The following NAF1 variants were observed in gnomAD, a reference collection of about 807,000 sequenced individuals.
The protein encoded by NAF1 is H/ACA ribonucleoprotein complex non-core subunit NAF1.
In NAF1, 11 loss-of-function variants were observed where a neutral mutation model predicts 40.6. The ratio of observed to expected loss-of-function variants is 0.27; its 90% CI spans 0.17 to 0.45. The LOEUF is 0.45. NAF1 is among the 20% of genes least tolerant of loss of function. NAF1 has a pLI of 1.00. For missense variants in NAF1, 607 were observed against 611.1 expected (o/e 0.99, Z 0.07); for synonymous variants, 260 against 228.5 (o/e 1.14, Z -1.24).
intron 3 of NAF1, among the ~76,000 whole-genome samples, 186 bp downstream of exon 3, chr4:163,148,155 T>A (rs1222488247): frequency 6.6e-6 from 1 of 152,192 alleles, no homozygotes; most frequent in Non-Finnish European, 1.5e-5. Flanking sequence ...TAAATTTCTA[T>A]AAATAAACTG....
Position 163,164,298 on chromosome 4 carries a change from C to G in NAF1, c.459G>C (p.Leu153=), listed in dbSNP as rs753170599. The G allele has an allele frequency of 2.5e-6, 4 of 1,595,954 alleles. No homozygotes were observed. The South Asian group carries it at 3.5e-5, about 14-fold the overall frequency. Residue 153 remains leucine, a synonymous_variant, in exon 2 of 8, where the codon CTG becomes CTC. Transcript: ENST00000274054. ...SSSCISLPPV[L]SDGDDDLQIE... ...TTTGTAAATCATCATCTCCATCTGA[C>G]AGCACTGGAGGAAGTGATATACAAG...
At position 163,166,454 on chromosome 4, in the gene NAF1, A is replaced by G. The variant is rs770228694; in HGVS notation, c.274T>C (p.Cys92Arg). 1.4e-4 allele frequency: 219 copies of G among 1,605,742 alleles called. No homozygotes were observed. Among genetic ancestry groups the G allele is most frequent in the Non-Finnish European group, 1.8e-4 (214 of 1,176,346 alleles). The change falls in exon 1 of 8, where the codon TGC becomes CGC. Residue 92 changes from cysteine (C) to arginine (R), a missense_variant. This residue lies in a region of NAF1 where 407 missense variants were observed against 365.5 expected (regional missense o/e 1.11). Transcript: ENST00000274054. ...QPQPPAESPACGDCVTSPGAA... is the reference protein window; with the variant it reads ...QPQPPAESPARGDCVTSPGAA... The stretch of plus-strand genomic sequence containing the variant: ...CCTGGGGAGGTGACGCAGTCTCCGC[A>G]GGCCGGCGATTCAGCCGGTGGCTGT...
chr4:163,104,825 T>C, the NAF1 span, among the ~76,000 whole-genome samples: 1 of 152,218 alleles, frequency 6.6e-6, no homozygotes, highest in African/African-American at 2.4e-5. Context: ...TTCGTGGTGA[T>C]TTTTAGTATA....
intron 4 of NAF1, among the ~76,000 whole-genome samples, chr4:163,141,246 T>A (rs1288262892): frequency 6.6e-6 from 1 of 151,984 alleles, no homozygotes; most frequent in African/African-American, 2.4e-5. Flanking sequence ...GCACCTGTAA[T>A]CCCAGCCACT....
intron 2 of NAF1, among the ~76,000 whole-genome samples, chr4:163,117,680 TACACACACACAC>T (rs55869899): frequency 4.7e-4 from 64 of 134,928 alleles, no homozygotes; most frequent in East Asian, 3.4e-3. Context: ...CTGGAAGCAA[TACACACACACAC>T]ACACACACAC....
Position 163,140,396 on chromosome 4 carries a change from C to T in NAF1, c.718-13G>A. On this transcript the variant is annotated splice_polypyrimidine_tract_variant and intron_variant, in intron 4 of 7. Coordinates refer to ENST00000274054, the MANE Select transcript of NAF1 (RefSeq NM_138386.3). ...ATATCTCGAATATCTGTAATAGAAA[C>T]ATAAAGGCCTCTTTTAACATGTAAA... The T allele has an allele frequency of 1.3e-6, 2 of 1,582,162 alleles. No homozygotes were observed. Among genetic ancestry groups the T allele is most frequent in the Non-Finnish European group, 1.7e-6 (2 of 1,167,940 alleles).
chr4:163,145,636 A>G, intron 4 of NAF1, 146 bp downstream of exon 4: 1 of 601,762 alleles, frequency 1.7e-6, no homozygotes, highest in East Asian at 3.0e-5. Context: ...GAAGTACTAA[A>G]GGAAATCAAG....
intron 2 of NAF1, among the ~76,000 whole-genome samples, chr4:163,121,528 A>G (rs970140122): frequency 1.3e-5 from 2 of 152,020 alleles, no homozygotes; most frequent in Non-Finnish European, 2.9e-5. Context: ...TATTTTTTAT[A>G]TTTTCCAGCT....
At chr4:163,166,103 G>C (rs952751174) in intron 1 of NAF1, among the ~76,000 whole-genome samples, 1 of 152,028 alleles carries the variant, frequency 6.6e-6, no homozygotes, top group Non-Finnish European at 1.5e-5. Flanking sequence ...AAAATGATAC[G>C]ATCTATACAT....
At chr4:163,123,410 T>A (rs1002358068), downstream of NAF1, among the ~76,000 whole-genome samples, 1 of 152,216 alleles carries the variant, frequency 6.6e-6, no homozygotes, top group Non-Finnish European at 1.5e-5. Context: ...TATCTATTTC[T>A]AATAAGTAAA....
chr4:163,145,244 A>G (rs1279214635), intron 4 of NAF1, among the ~76,000 whole-genome samples: 1 of 152,218 alleles, frequency 6.6e-6, no homozygotes. Flanking sequence ...CAAATCTTAT[A>G]GTAATTACTT....
Position 163,159,650 on chromosome 4 carries a change from G to GTCCACACTGCCACAA in NAF1, c.540+4552_540+4566dup, listed in dbSNP as rs58233044. On this transcript the variant is annotated intron_variant, in intron 2 of 7. Coordinates refer to ENST00000274054, the MANE Select transcript of NAF1 (RefSeq NM_138386.3). The stretch of plus-strand genomic sequence containing the variant: ...TTCACGTTAGGACATTTTAGAATGT[G>GTCCACACTGCCACAA]TCCACACTGCCACAATCAGGAGAAT... 6.3e-3 allele frequency among the ~76,000 whole-genome samples: 964 copies of GTCCACACTGCCACAA among 152,156 alleles called. 14 individuals are homozygous for GTCCACACTGCCACAA. Among genetic ancestry groups the GTCCACACTGCCACAA allele is most frequent in the African/African-American group, 0.021 (890 of 41,518 alleles).
In NAF1 at chr4:163,129,217, T is replaced by C. The variant is rs1730774258; in HGVS notation, c.1165A>G (p.Arg389Gly). 1.9e-6 allele frequency: 3 copies of C among 1,613,968 alleles called. No homozygotes were observed. The highest frequency in any genetic ancestry group is 2.5e-6 in the Non-Finnish European group (3 of 1,179,824). Residue 389 changes from arginine to glycine, a missense_variant, in exon 8 of 8, where the codon AGG becomes GGG. By Grantham distance (125) the Arg-to-Gly change is moderately radical. Transcript: ENST00000274054. ...TTATAGAAATGCTGAGGTGGAGGCCTGCCATGGCAAGATCGAGGGTATCTG... is the reference window on the plus strand; with the variant it reads ...TTATAGAAATGCTGAGGTGGAGGCCCGCCATGGCAAGATCGAGGGTATCTG... ...RARYPRSCHG[R>G]PPPQHFYNSE... is the part of the protein sequence containing the mutation.
At chr4:163,163,682 T>C (rs1360851713) in intron 2 of NAF1, among the ~76,000 whole-genome samples, 2 of 149,320 alleles carry the variant, frequency 1.3e-5, no homozygotes, top group Non-Finnish European at 2.9e-5. Context: ...ATTCTACAAT[T>C]AACAAGTTTT....
At chr4:163,152,971 T>G (rs1310175470) in intron 2 of NAF1, among the ~76,000 whole-genome samples, 1 of 152,050 alleles carries the variant, frequency 6.6e-6, no homozygotes, top group African/African-American at 2.4e-5. Context: ...CCCCCAGCAG[T>G]GAGGGGCTTA....
chr4:163,164,101 T>A (rs1732343443), intron 2 of NAF1, 116 bp downstream of exon 2: 10 of 1,289,704 alleles, frequency 7.8e-6, no homozygotes, highest in Non-Finnish European at 1.0e-5. Context: ...GCATGCCTAT[T>A]AGGCTGAGAA....
rs780583513 is a variant in NAF1 at position 163,145,786 on chromosome 4, C to G, written c.713G>C (p.Gly238Ala). ...GATTTGAAATGTTTTACAAACCTTT[C>G]CTGCTGCTTGTCGATCACTTTTAAA... ...VIFKSDRQAA[G>A]KIFEIFGPVA... The change falls in exon 4 of 8, where the codon GGA (glycine) becomes GCA (alanine). Residue 238 changes from glycine to alanine, a missense_variant. This residue lies in a region of NAF1 where 407 missense variants were observed against 365.5 expected (regional missense o/e 1.11). Coordinates refer to ENST00000274054, the MANE Select transcript of NAF1 (RefSeq NM_138386.3). 6.3e-7 allele frequency: 1 copy of G among 1,575,390 alleles called. No homozygotes were observed. Among genetic ancestry groups the G allele is most frequent in the Non-Finnish European group, 8.7e-7 (1 of 1,152,932 alleles).
chr4:163,153,374 A>G (rs919281202), intron 2 of NAF1, among the ~76,000 whole-genome samples: 1 of 152,202 alleles, frequency 6.6e-6, no homozygotes, highest in Non-Finnish European at 1.5e-5. Flanking sequence ...AAACACGCCA[A>G]TCAGCACCCT....
chr4:163,119,050 A>G (rs1005374730), intron 2 of NAF1, among the ~76,000 whole-genome samples: 2 of 152,230 alleles, frequency 1.3e-5, no homozygotes, highest in African/African-American at 2.4e-5. Flanking sequence ...AAGTAAATGG[A>G]GAGACACCTT....
Sources: gnomAD v4.1 joint callset for allele counts (sites outside exome capture counted in the v4.1 genomes callset) on GRCh38, gnomAD v4.1.1 for gene constraint, gnomAD v4.1.1 regional missense constraint, MANE v1.5 for transcripts, NCBI Gene and HGNC (gene_info 2026-07-23, HGNC 2026-07-21) for gene names.